TNS1: variants seen among roughly 807,000 people sequenced by gnomAD.
The protein encoded by TNS1 is tensin-1.
A neutral mutation model predicts 168.6 loss-of-function variants in TNS1; 62 were observed. The observed-to-expected ratio is 0.37, with a 90% CI of 0.30 to 0.45. The LOEUF is 0.45. Ranked by LOEUF, TNS1 falls within the 20% of genes least tolerant of loss-of-function variation. The probability of loss-of-function intolerance (pLI) is 1.00; values close to 1 mark genes in which losing one functional copy is unlikely to be tolerated. For synonymous variants in TNS1, 934 were observed against 933.2 expected (o/e 1.00, Z -0.02); for missense variants, 2,240 against 2,339.4 (o/e 0.96, Z 0.88).
At chr2:217,993,410 C>T (rs975566440) in intron 1 of TNS1, among the ~76,000 whole-genome samples, 7 of 152,240 alleles carry the variant, frequency 4.6e-5, no homozygotes, top group Admixed American at 2.0e-4. Context: ...ATCACTGCAA[C>T]GGTAATGGGA....
At chr2:217,998,221 GTC>G (rs60663810) in intron 1 of TNS1, among the ~76,000 whole-genome samples, 41 of 149,426 alleles carry the variant, frequency 2.7e-4, no homozygotes, top group Admixed American at 6.0e-4. Flanking sequence ...CTCCATCAGT[GTC>G]TCTCTCTCTC....
chr2:217,859,868 C>G (rs185956927), intron 18 of TNS1, among the ~76,000 whole-genome samples: 1 of 152,274 alleles, frequency 6.6e-6, no homozygotes, highest in East Asian at 1.9e-4. Context: ...GAGTCCCTAA[C>G]TGATAATAAG....
intron 1 of TNS1, among the ~76,000 whole-genome samples, chr2:218,029,542 C>T (rs1045986085): frequency 5.9e-5 from 9 of 152,212 alleles, no homozygotes; most frequent in Admixed American, 2.6e-4. Context: ...AAATGGACAG[C>T]GTGTCTTCAC....
Position 217,886,596 on chromosome 2 carries a change from T to C in TNS1, c.917A>G (p.Asn306Ser). Residue 306 changes from asparagine (N) to serine (S), a missense_variant, in exon 13 of 33, where the codon AAC becomes AGC. Coordinates refer to ENST00000682258, the MANE Select transcript of TNS1 (RefSeq NM_001387777.1). The stretch of plus-strand genomic sequence containing the variant: ...CACGTGGTGCAGAAACAAGGGCTTG[T>C]TGTTCATTTTGATGGAGCCGGAGAG... ...GLLSGSIKMNNKPLFLHHVIM... is the reference protein window; with the variant it reads ...GLLSGSIKMNSKPLFLHHVIM... 1 of 1,604,468 alleles carries C rather than the reference T, an allele frequency of 6.2e-7. No homozygotes were observed. The highest frequency in any genetic ancestry group is 1.1e-5 in the South Asian group (1 of 88,284).
intron 19 of TNS1, among the ~76,000 whole-genome samples, chr2:217,838,467 T>C (rs1322659079): frequency 6.6e-6 from 1 of 152,206 alleles, no homozygotes; most frequent in East Asian, 1.9e-4. Flanking sequence ...ACCACCAGAA[T>C]GGCACGTGGG....
intron 3 of TNS1, among the ~76,000 whole-genome samples, chr2:217,924,866 T>C (rs1413490113): frequency 6.6e-6 from 1 of 152,134 alleles, no homozygotes; most frequent in Admixed American, 6.5e-5. Context: ...TCTGGCGCAG[T>C]GGTTATGCAG....
chr2:218,031,175 T>C (rs546351581), intron 1 of TNS1, among the ~76,000 whole-genome samples: 3 of 141,020 alleles, frequency 2.1e-5, no homozygotes, highest in Non-Finnish European at 4.5e-5. Flanking sequence ...GAGTGTCTTG[T>C]GTGAGTGTGA....
intron 18 of TNS1, among the ~76,000 whole-genome samples, chr2:217,868,966 A>T (rs1559270600): frequency 6.6e-6 from 1 of 152,262 alleles, no homozygotes; most frequent in Non-Finnish European, 1.5e-5. Context: ...GTCTTGTGTC[A>T]GGGAGAGGGA....
chr2:217,866,739 TG>T (rs1176420556), intron 18 of TNS1, among the ~76,000 whole-genome samples: 1 of 152,280 alleles, frequency 6.6e-6, no homozygotes, highest in African/African-American at 2.4e-5. Flanking sequence ...GGGAGAAGGC[TG>T]GGGCTGGCCA....
intron 7 of TNS1, 35 bp downstream of exon 7, chr2:217,900,428 C>A (rs1451623599): frequency 6.5e-7 from 1 of 1,533,114 alleles, no homozygotes; most frequent in East Asian, 2.4e-5. Flanking sequence ...CCCCTGCTTG[C>A]ACTCCCGCCC....
At position 217,890,985 on chromosome 2, in the gene TNS1, G is replaced by A. The variant is rs199717210; in HGVS notation, c.843C>T (p.Pro281=). 3.7e-6 allele frequency: 6 copies of A among 1,614,104 alleles called. No homozygotes were observed. The highest frequency in any genetic ancestry group is 8.5e-7 in the Non-Finnish European group (1 of 1,180,050). ...ACCTTCTTTGGGATGGCTGGCCAAT[G>A]GGCACAATCTTATCCTCATAGAACC... The part of the protein sequence containing the change: ...MKRFYEDKIV[P]IGQPSQRRYV... The change falls in exon 12 of 33, where the codon CCC becomes CCT. Residue 281 remains proline, a synonymous_variant. Transcript: ENST00000682258.
At chr2:217,962,737 C>A (rs1321903718) in intron 3 of TNS1, among the ~76,000 whole-genome samples, 1 of 152,152 alleles carries the variant, frequency 6.6e-6, no homozygotes, top group Non-Finnish European at 1.5e-5. Flanking sequence ...AACTAACCAG[C>A]ACTCTCCAAA....
At chr2:217,835,905 C>T in intron 20 of TNS1, 110 bp downstream of exon 20, 2 of 985,076 alleles carry the variant, frequency 2.0e-6, no homozygotes, top group Admixed American at 2.4e-5. Context: ...TAGGGGGAGA[C>T]AAATCACTGA....
At chr2:217,978,613 G>C in intron 3 of TNS1, 152 bp downstream of exon 3, 1 of 180,376 alleles carries the variant, frequency 5.5e-6, no homozygotes, top group Non-Finnish European at 1.0e-5. Flanking sequence ...ACCTGCGCCC[G>C]CTCCCAGGCC....
At chr2:217,964,837 G>A (rs150548391) in intron 3 of TNS1, among the ~76,000 whole-genome samples, 191 of 152,292 alleles carry the variant, frequency 1.3e-3, no homozygotes, top group Non-Finnish European at 2.0e-3. Flanking sequence ...TCTGTGACTC[G>A]CTCTGTGTTC....
intron 2 of TNS1, among the ~76,000 whole-genome samples, chr2:217,987,852 C>T (rs1268893680): frequency 2.6e-5 from 4 of 152,176 alleles, no homozygotes; most frequent in Non-Finnish European, 5.9e-5. Flanking sequence ...CCCATACAAC[C>T]ATATCGGGTG....
intron 6 of TNS1, 66 bp downstream of exon 6, chr2:217,906,269 A>AAC: frequency 1.9e-6 from 1 of 514,446 alleles, no homozygotes; most frequent in Non-Finnish European, 3.7e-6. Flanking sequence ...TCCACCTCCC[A>AAC]CCCCACCCCA....
chr2:217,881,074 T>A, intron 17 of TNS1, 60 bp from the exon 18 acceptor site: 1 of 1,227,860 alleles, frequency 8.1e-7, no homozygotes, highest in Admixed American at 1.8e-5. Flanking sequence ...GGAAAAGAGA[T>A]CAGCAGCTGG....
At chr2:217,966,308 T>TGTGTGTGCGC (rs372273499) in intron 3 of TNS1, among the ~76,000 whole-genome samples, 2 of 133,748 alleles carry the variant, frequency 1.5e-5, no homozygotes, top group East Asian at 4.5e-4. Context: ...TGTGTGTGTG[T>TGTGTGTGCGC]GCGCGCGCGC....
Sources: allele counts gnomAD v4.1 joint callset (sites outside exome capture counted in the v4.1 genomes callset), GRCh38; gene constraint gnomAD v4.1.1; transcripts MANE v1.5; gene names NCBI Gene and HGNC (gene_info 2026-07-23, HGNC 2026-07-21).